ARID5B: variants seen among roughly 807,000 people sequenced by gnomAD.
The protein encoded by ARID5B is AT-rich interactive domain-containing protein 5B.
A neutral mutation model predicts 97.2 loss-of-function variants in ARID5B; 13 were observed. That is an observed-to-expected ratio of 0.13 (90% CI 0.09 to 0.21). The LOEUF (loss-of-function observed/expected upper bound fraction) is 0.21, where lower values mean the gene tolerates loss of function less well. ARID5B is among the 10% of genes least tolerant of loss of function. The pLI is 1.00. For missense variants in ARID5B, 1,210 were observed against 1,465.3 expected, an observed-to-expected ratio of 0.83 and a Z score of 2.84; for synonymous variants, 556 against 570.3, an observed-to-expected ratio of 0.97 and a Z score of 0.36.
chr10:62,060,554 G>T (rs1839909124), intron 7 of ARID5B, among the ~76,000 whole-genome samples: 1 of 151,968 alleles, frequency 6.6e-6, no homozygotes, highest in Non-Finnish European at 1.5e-5. Flanking sequence ...TCACTTAGTG[G>T]AGTCTTTTGA....
chr10:61,992,576 C>T (rs1287266712), intron 3 of ARID5B, among the ~76,000 whole-genome samples: 1 of 152,070 alleles, frequency 6.6e-6, no homozygotes, highest in Non-Finnish European at 1.5e-5. Flanking sequence ...TGTTTGCATC[C>T]ATGTACTGAT....
At chr10:61,958,242 C>G (rs930869572) in intron 3 of ARID5B, among the ~76,000 whole-genome samples, 2 of 152,052 alleles carry the variant, frequency 1.3e-5, no homozygotes, top group Non-Finnish European at 2.9e-5. Flanking sequence ...GCATTGTGAC[C>G]TCTTTTTCTT....
At chr10:61,967,456 T>C (rs1352329033) in intron 3 of ARID5B, among the ~76,000 whole-genome samples, 2 of 152,204 alleles carry the variant, frequency 1.3e-5, no homozygotes, top group Admixed American at 1.3e-4. Context: ...CCACAATTCT[T>C]TGTGTGTGAA....
chr10:61,955,506 T>G (rs1470395666), intron 3 of ARID5B, among the ~76,000 whole-genome samples: 2 of 152,216 alleles, frequency 1.3e-5, no homozygotes, highest in Non-Finnish European at 2.9e-5. Context: ...ATTTCACACA[T>G]GCATTTAGGA....
At chr10:62,067,801 G>A (rs1294221001) in intron 7 of ARID5B, among the ~76,000 whole-genome samples, 1 of 152,242 alleles carries the variant, frequency 6.6e-6, no homozygotes, top group Non-Finnish European at 1.5e-5. Context: ...CTGTGAATGA[G>A]ATTTCCTATA....
At chr10:61,914,144 A>G (rs1465277129) in intron 2 of ARID5B, among the ~76,000 whole-genome samples, 1 of 152,208 alleles carries the variant, frequency 6.6e-6, no homozygotes, top group East Asian at 1.9e-4. Context: ...CTTCATTTCT[A>G]TAATTTTTCC....
At chr10:61,982,744 T>C (rs1838793814) in intron 3 of ARID5B, among the ~76,000 whole-genome samples, 1 of 152,118 alleles carries the variant, frequency 6.6e-6, no homozygotes, top group African/African-American at 2.4e-5. Flanking sequence ...GGTGGGAGGG[T>C]ATTTGGCTGG....
At position 62,000,570 on chromosome 10, in the gene ARID5B, C is replaced by T. The variant is rs1387102982; in HGVS notation, c.733+249C>T. Among the ~76,000 whole-genome samples the T allele has an allele frequency of 6.6e-6, 1 of 151,918 alleles. No individual in the cohort carries two copies. Among genetic ancestry groups the T allele is most frequent in the Non-Finnish European group, 1.5e-5 (1 of 67,992 alleles). On this transcript the variant is annotated intron_variant, in intron 4 of 9. Coordinates refer to ENST00000279873, the MANE Select transcript of ARID5B (RefSeq NM_032199.3). The surrounding 1 kb of genome is among the most constrained non-coding windows in gnomAD (Gnocchi z 4.4). The stretch of plus-strand genomic sequence containing the variant: ...AATGTAGAGTCTGAAGTTGCTTGGT[C>T]GACCTTGAAATTGGACTTTAGGACA...
At position 61,910,705 on chromosome 10, in the gene ARID5B, A is replaced by G. The variant is rs935705364; in HGVS notation, c.276+8292A>G. The stretch of plus-strand genomic sequence containing the variant: ...ATGATGATTATTGAAAGGGTGCTTT[A>G]GAATCATGCTAATGGCATCAATCTC... On this transcript the variant is annotated intron_variant, in intron 2 of 9. Coordinates refer to ENST00000279873, the MANE Select transcript of ARID5B (RefSeq NM_032199.3). Among the ~76,000 whole-genome samples the G allele has an allele frequency of 6.6e-5, 10 of 152,252 alleles. No homozygotes were observed. The East Asian group carries it at 1.9e-3, about 29-fold the overall frequency.
At chr10:61,991,692 A>G (rs1838927546) in intron 3 of ARID5B, among the ~76,000 whole-genome samples, 1 of 152,100 alleles carries the variant, frequency 6.6e-6, no homozygotes, top group South Asian at 2.1e-4. Context: ...CCAGTTGTCT[A>G]TTGTTTGTTG....
At chr10:62,015,727 GA>G (rs2132885000) in intron 4 of ARID5B, among the ~76,000 whole-genome samples, 1 of 152,198 alleles carries the variant, frequency 6.6e-6, no homozygotes, top group African/African-American at 2.4e-5. Flanking sequence ...GGGTTCAAGA[GA>G]TTCTCCCACC....
chr10:61,950,826 G>C (rs565114181), intron 3 of ARID5B, among the ~76,000 whole-genome samples: 1 of 152,230 alleles, frequency 6.6e-6, no homozygotes, highest in African/African-American at 2.4e-5. Context: ...CACCTCATTA[G>C]CCACTGTATG....
intron 3 of ARID5B, among the ~76,000 whole-genome samples, chr10:61,997,214 A>G (rs1335060933): frequency 4.0e-5 from 6 of 151,874 alleles, no homozygotes; most frequent in Admixed American, 1.3e-4. Flanking sequence ...AGGATTCATG[A>G]CTTGGCTAGT....
At chr10:61,974,947 G>A (rs1838679542) in intron 3 of ARID5B, among the ~76,000 whole-genome samples, 1 of 149,146 alleles carries the variant, frequency 6.7e-6, no homozygotes, top group Admixed American at 6.6e-5. Context: ...TGCTCTAACT[G>A]CTTATTACAC....
chr10:61,951,493 T>A (rs1162050889), intron 3 of ARID5B, among the ~76,000 whole-genome samples: 1 of 152,260 alleles, frequency 6.6e-6, no homozygotes, highest in Non-Finnish European at 1.5e-5. Context: ...TTAGGATCCC[T>A]GTTTCTTTGC....
chr10:61,975,159 A>C (rs1271376002), intron 3 of ARID5B, among the ~76,000 whole-genome samples: 1 of 152,208 alleles, frequency 6.6e-6, no homozygotes, highest in African/African-American at 2.4e-5. Flanking sequence ...CCCAGAGCAT[A>C]GTATATCATG....
chr10:61,919,458 G>C (rs1025839313), intron 2 of ARID5B, among the ~76,000 whole-genome samples: 1 of 152,126 alleles, frequency 6.6e-6, no homozygotes, highest in Non-Finnish European at 1.5e-5. Flanking sequence ...CCATGTAAAG[G>C]GAAAGGTCCC....
intron 8 of ARID5B, among the ~76,000 whole-genome samples, chr10:62,078,550 G>T (rs1840168170): frequency 6.6e-6 from 1 of 152,142 alleles, no homozygotes; most frequent in Non-Finnish European, 1.5e-5. Flanking sequence ...GAAGTCATTG[G>T]GCTTTTTTCA....
rs1052129875 is a variant in ARID5B, at chr10:62,093,595, G to A, written c.*565G>A. 4.1e-5 allele frequency: 9 copies of A among 219,082 alleles called. No individual in the cohort carries two copies. The highest frequency in any genetic ancestry group is 6.1e-5 in the Non-Finnish European group (7 of 114,104). 13.6% of individuals were successfully genotyped at this position (219,082 alleles called of 1,614,324 possible). On this transcript the variant is annotated 3_prime_UTR_variant, in exon 10 of 10. Transcript: ENST00000279873. ...GCTTCTTAAAACTACCTGTATCACT[G>A]TTTGCTCACCTAATTTATATACAGG... is the stretch of plus-strand genomic sequence containing the variant.
Sources: allele counts gnomAD v4.1 joint callset (sites outside exome capture counted in the v4.1 genomes callset), GRCh38; gene constraint gnomAD v4.1.1; non-coding constraint Gnocchi (gnomAD v3.1); transcripts MANE v1.5; gene names NCBI Gene and HGNC (gene_info 2026-07-23, HGNC 2026-07-21).